The following RNGTT variants were observed in gnomAD, a reference collection of about 807,000 sequenced individuals.
RNGTT encodes the protein RNA guanylyltransferase and 5'-phosphatase, also known as mRNA-capping enzyme.
Under a neutral mutation model 79.3 loss-of-function variants are expected in RNGTT, and 33 were observed. That is an observed-to-expected ratio of 0.42 (90% CI 0.32 to 0.56). RNGTT has a LOEUF of 0.56. Ranked by LOEUF, RNGTT falls within the 20% of genes least tolerant of loss-of-function variation. RNGTT has a pLI of 0.17. For synonymous variants in RNGTT, 222 were observed against 235.9 expected (o/e 0.94, Z 0.54); for missense variants, 497 against 739.1 (o/e 0.67, Z 3.80).
intron 11 of RNGTT, among the ~76,000 whole-genome samples, chr6:88,840,821 T>A (rs532733890): frequency 6.6e-6 from 1 of 152,366 alleles, no homozygotes; most frequent in South Asian, 2.1e-4. Flanking sequence ...TTGTTCCACA[T>A]AATTGTTTCA....
chr6:88,744,752 G>C (rs1777609290), intron 13 of RNGTT, among the ~76,000 whole-genome samples: 1 of 152,072 alleles, frequency 6.6e-6, no homozygotes, highest in African/African-American at 2.4e-5. Context: ...TACTAAACAA[G>C]ATGAGTAATT....
intron 13 of RNGTT, among the ~76,000 whole-genome samples, chr6:88,759,760 C>T (rs1161185490): frequency 6.6e-6 from 1 of 152,008 alleles, no homozygotes; most frequent in Non-Finnish European, 1.5e-5. Context: ...AAAAAACAAA[C>T]CTAATAAAAA....
chr6:88,869,481 T>C (rs2127919431), intron 8 of RNGTT, among the ~76,000 whole-genome samples: 1 of 152,246 alleles, frequency 6.6e-6, no homozygotes, highest in South Asian at 2.1e-4. Flanking sequence ...ACCTCATGCT[T>C]TGTGGTTCTT....
At chr6:88,654,184 C>T (rs1773895734) in intron 14 of RNGTT, among the ~76,000 whole-genome samples, 1 of 152,144 alleles carries the variant, frequency 6.6e-6, no homozygotes, top group African/African-American at 2.4e-5. Context: ...ATTTAGTATC[C>T]ATAAGGTTTT....
intron 12 of RNGTT, among the ~76,000 whole-genome samples, chr6:88,793,569 A>C (rs551650134): frequency 1.3e-5 from 2 of 152,348 alleles, no homozygotes; most frequent in South Asian, 4.1e-4. Flanking sequence ...AGTCTATTGA[A>C]ATGATGGTAG....
At chr6:88,879,919 C>T (rs572091119) in intron 8 of RNGTT, among the ~76,000 whole-genome samples, 26 of 152,170 alleles carry the variant, frequency 1.7e-4, no homozygotes, top group African/African-American at 6.3e-4. Flanking sequence ...AATACACCCA[C>T]CAAATGTTAT....
chr6:88,928,190 C>T (rs772598340), intron 4 of RNGTT, among the ~76,000 whole-genome samples: 9 of 151,638 alleles, frequency 5.9e-5, no homozygotes, highest in East Asian at 3.9e-4. Flanking sequence ...CCGGCCCGGG[C>T]GATACAGCAA....
chr6:88,869,881 C>A (rs888721884), intron 8 of RNGTT, among the ~76,000 whole-genome samples: 1 of 152,088 alleles, frequency 6.6e-6, no homozygotes, highest in African/African-American at 2.4e-5. Context: ...TATATTATAT[C>A]CTGCAACTCT....
At chr6:88,864,972 G>C (rs1782122608) in intron 8 of RNGTT, among the ~76,000 whole-genome samples, 1 of 152,046 alleles carries the variant, frequency 6.6e-6, no homozygotes, top group South Asian at 2.1e-4. Flanking sequence ...TAGAATTTCA[G>C]TTATACAAAA....
At chr6:88,838,011 T>C (rs1216541027) in intron 11 of RNGTT, among the ~76,000 whole-genome samples, 1 of 152,072 alleles carries the variant, frequency 6.6e-6, no homozygotes, top group Non-Finnish European at 1.5e-5. Context: ...TTAATATGAA[T>C]ACCTAAAAAA....
At chr6:88,917,327 G>C (rs986690932) in intron 4 of RNGTT, among the ~76,000 whole-genome samples, 1 of 151,978 alleles carries the variant, frequency 6.6e-6, no homozygotes, top group East Asian at 1.9e-4. Flanking sequence ...CAATAAAAAA[G>C]GATATTTATA....
At chr6:88,867,947 G>T (rs1357142344) in intron 8 of RNGTT, among the ~76,000 whole-genome samples, 2 of 152,092 alleles carry the variant, frequency 1.3e-5, no homozygotes, top group African/African-American at 2.4e-5. Context: ...ATTACTATAG[G>T]GTTTTCCTGT....
intron 14 of RNGTT, among the ~76,000 whole-genome samples, chr6:88,677,046 T>G (rs1335894167): frequency 6.6e-6 from 1 of 152,166 alleles, no homozygotes; most frequent in African/African-American, 2.4e-5. Context: ...ATAGCCATAC[T>G]ACTAATGGCA....
chr6:88,661,176 G>A lies in RNGTT; in HGVS notation c.1506+17177C>T, dbSNP rs190243415. 1.9e-3 allele frequency among the ~76,000 whole-genome samples: 286 copies of A among 152,268 alleles called. 4 individuals are homozygous for A. Among genetic ancestry groups the A allele is most frequent in the African/African-American group, 6.7e-3 (280 of 41,562 alleles). ...TGGGATACAGCAAAAGCGGTACTAA[G>A]AGGAAAGTTCATAGCATTAAACGCC... On this transcript the variant is annotated intron_variant, in intron 14 of 15. Coordinates refer to ENST00000369485, the MANE Select transcript of RNGTT (RefSeq NM_003800.5).
chr6:88,717,278 G>C (rs1397864889), intron 13 of RNGTT, among the ~76,000 whole-genome samples: 1 of 152,174 alleles, frequency 6.6e-6, no homozygotes, highest in African/African-American at 2.4e-5. Flanking sequence ...ATTATAAATT[G>C]TTTACTAAAG....
intron 15 of RNGTT, among the ~76,000 whole-genome samples, chr6:88,613,299 G>A (rs1261618967): frequency 6.6e-6 from 1 of 152,138 alleles, no homozygotes; most frequent in Non-Finnish European, 1.5e-5. Context: ...ATAAAACATG[G>A]CACCAGCCAC....
chr6:88,769,322 A>G (rs1778570635), intron 13 of RNGTT, among the ~76,000 whole-genome samples: 1 of 108,930 alleles, frequency 9.2e-6, no homozygotes, highest in Non-Finnish European at 1.8e-5. Flanking sequence ...CAACAAGCCC[A>G]ACTAATTTTT....
At chr6:88,752,738 A>C (rs1777880545) in intron 13 of RNGTT, among the ~76,000 whole-genome samples, 1 of 152,154 alleles carries the variant, frequency 6.6e-6, no homozygotes, top group African/African-American at 2.4e-5. Flanking sequence ...TTTTAAAATA[A>C]CTTAAAGAAT....
At position 88,610,154 on chromosome 6, in the gene RNGTT, T is replaced by G. The variant is rs988513757; in HGVS notation, c.*2565A>C. 1 of 152,578 alleles carries G rather than the reference T, an allele frequency of 6.6e-6. No homozygotes were observed. The highest frequency in any genetic ancestry group is 1.5e-5 in the Non-Finnish European group (1 of 68,042). The allele number at this position is 152,578 out of a possible 1,614,324, so 9.5% of individuals were successfully genotyped here. A position where few individuals can be genotyped will look rare whatever the true frequency, so the allele number is the denominator to read the frequency against. ...ATAGAGGCTTTCCAAGTCTTTATGC[T>G]AATCTCTACAAAGCCAGATGGATTA... On this transcript the variant is annotated 3_prime_UTR_variant, in exon 16 of 16. Coordinates refer to ENST00000369485, the MANE Select transcript of RNGTT (RefSeq NM_003800.5).
Sources: allele counts gnomAD v4.1 joint callset (sites outside exome capture counted in the v4.1 genomes callset), GRCh38; gene constraint gnomAD v4.1.1; transcripts MANE v1.5; gene names NCBI Gene and HGNC (gene_info 2026-07-23, HGNC 2026-07-21).